The following ADGB variants were observed in gnomAD, a reference collection of about 807,000 sequenced individuals.
ADGB encodes androglobin, also known as calpain-7-like protein.
Under a neutral mutation model 210.5 loss-of-function variants are expected in ADGB, and 172 were observed. That is an observed-to-expected ratio of 0.82 (90% confidence interval 0.72 to 0.93). The LOEUF is 0.93. ADGB is among the 40% of genes least tolerant of loss of function. The pLI is 0.00. For missense variants in ADGB, 2,025 were observed against 1,964.8 expected (o/e 1.03, Z -0.58); for synonymous variants, 658 against 662.7 (o/e 0.99, Z 0.11).
intron 27 of ADGB, among the ~76,000 whole-genome samples, chr6:146,762,396 C>T (rs1401719507): frequency 6.6e-6 from 1 of 152,100 alleles, no homozygotes; most frequent in Non-Finnish European, 1.5e-5. Flanking sequence ...TTCTGTGATA[C>T]TCACCATTTG....
chr6:146,715,462 A>G (rs1776718744), intron 14 of ADGB, 47 bp downstream of exon 14: 1 of 1,321,244 alleles, frequency 7.6e-7, no homozygotes, highest in Non-Finnish European at 1.0e-6. Flanking sequence ...ACATCAAGAT[A>G]CAGAGGGGCA....
chr6:146,746,564 A>G (rs1273882642), intron 26 of ADGB, among the ~76,000 whole-genome samples: 2 of 152,076 alleles, frequency 1.3e-5, no homozygotes, highest in African/African-American at 4.8e-5. Flanking sequence ...CATTATCTTC[A>G]GTCTATACAA....
chr6:146,736,483 T>A lies in ADGB; in HGVS notation c.2795-15T>A. On this transcript the variant is annotated splice_polypyrimidine_tract_variant and intron_variant, in intron 22 of 35. Transcript: ENST00000397944. ...CTTAAAGCTTAACGTTTTTATTATT[T>A]ATTATTATTTTTAGACACAAAAGAA... is the stretch of plus-strand genomic sequence containing the variant. 6.8e-7 allele frequency: 1 copy of A among 1,460,992 alleles called. No individual in the cohort carries two copies. Among genetic ancestry groups the A allele is most frequent in the South Asian group, 1.3e-5 (1 of 76,048 alleles). 90.5% of individuals were successfully genotyped at this position (1,460,992 alleles called of 1,614,324 possible). A position where few individuals can be genotyped will look rare whatever the true frequency, so the allele number is the denominator to read the frequency against.
At chr6:146,799,553 AGG>A (rs1225886939) in intron 33 of ADGB, among the ~76,000 whole-genome samples, 1 of 125,356 alleles carries the variant, frequency 8.0e-6, no homozygotes, top group Non-Finnish European at 1.7e-5. Flanking sequence ...AAAAAAAAAA[AGG>A]AAGGAAGGAA....
intron 9 of ADGB, among the ~76,000 whole-genome samples, chr6:146,681,300 C>T (rs1322842991): frequency 1.3e-5 from 2 of 152,098 alleles, no homozygotes; most frequent in African/African-American, 2.4e-5. Context: ...CTCCCATTCT[C>T]ACCATGTGAG....
chr6:146,693,015 A>C (rs1447514540), intron 12 of ADGB, 100 bp downstream of exon 12: 3 of 662,654 alleles, frequency 4.5e-6, no homozygotes, highest in Non-Finnish European at 7.4e-6. Context: ...TTTGAAGAAT[A>C]GTAATTTTAA....
chr6:146,741,464 A>G (rs1216563454), intron 25 of ADGB, among the ~76,000 whole-genome samples, 193 bp downstream of exon 25: 1 of 152,178 alleles, frequency 6.6e-6, no homozygotes, highest in East Asian at 1.9e-4. Flanking sequence ...AGCATTCTTT[A>G]CCTCTCAACG....
intron 18 of ADGB, 133 bp from the exon 19 acceptor site, chr6:146,725,950 A>G: frequency 3.6e-6 from 2 of 557,454 alleles, no homozygotes; most frequent in South Asian, 5.4e-5. Flanking sequence ...TCCTTATCTC[A>G]TCTGTGTTAA....
At chr6:146,761,709 C>G (rs1248799349) in intron 27 of ADGB, among the ~76,000 whole-genome samples, 4 of 152,054 alleles carry the variant, frequency 2.6e-5, no homozygotes, top group Non-Finnish European at 5.9e-5. Flanking sequence ...AATACATACT[C>G]TATGCAATTT....
chr6:146,648,503 T>C (rs6900779), intron 3 of ADGB, among the ~76,000 whole-genome samples: 8,687 of 151,892 alleles, frequency 0.057, 826 homozygotes, highest in African/African-American at 0.2. Flanking sequence ...TGGCAGAAGG[T>C]AAAGGGGAAG....
chr6:146,646,312 T>C (rs993315510), intron 3 of ADGB, among the ~76,000 whole-genome samples: 11 of 152,116 alleles, frequency 7.2e-5, no homozygotes, highest in Non-Finnish European at 1.5e-4. Context: ...CATCATGTTC[T>C]TTGGTGGCAC....
At chr6:146,669,080 G>A (rs1430169730) in intron 7 of ADGB, among the ~76,000 whole-genome samples, 4 of 152,014 alleles carry the variant, frequency 2.6e-5, no homozygotes, top group African/African-American at 9.7e-5. Context: ...GATTCAGAAA[G>A]GTCTGTTCCT....
chr6:146,651,296 T>C (rs1484085999), intron 3 of ADGB, among the ~76,000 whole-genome samples: 1 of 152,178 alleles, frequency 6.6e-6, no homozygotes, highest in Non-Finnish European at 1.5e-5. Context: ...AAACTAGGCG[T>C]ACAGGCTGAG....
chr6:146,697,041 G>T (rs1229047398), intron 12 of ADGB, among the ~76,000 whole-genome samples: 1 of 151,996 alleles, frequency 6.6e-6, no homozygotes, highest in Non-Finnish European at 1.5e-5. Flanking sequence ...TGGAAAACTG[G>T]GTGTGTCACT....
intron 27 of ADGB, among the ~76,000 whole-genome samples, chr6:146,755,712 T>C (rs759676553): frequency 1.3e-4 from 20 of 152,056 alleles, no homozygotes; most frequent in Non-Finnish European, 2.5e-4. Flanking sequence ...GGGAATGCAG[T>C]CCATTTGCAT....
At chr6:146,643,423 A>G (rs184540798) in intron 2 of ADGB, among the ~76,000 whole-genome samples, 2 of 151,982 alleles carry the variant, frequency 1.3e-5, no homozygotes, top group African/African-American at 4.8e-5. Context: ...TTTCCTGTAT[A>G]GATAGTTTAT....
At chr6:146,652,451 G>T (rs572654329) in intron 3 of ADGB, among the ~76,000 whole-genome samples, 4 of 152,168 alleles carry the variant, frequency 2.6e-5, no homozygotes, top group Admixed American at 2.6e-4. Flanking sequence ...GATGCTGCTT[G>T]TATAGATGAG....
chr6:146,685,212 C>A (rs1583589152), intron 9 of ADGB, among the ~76,000 whole-genome samples: 1 of 151,944 alleles, frequency 6.6e-6, no homozygotes, highest in South Asian at 2.1e-4. Context: ...CGCTTAAAAG[C>A]AAATTCTACC....
intron 29 of ADGB, among the ~76,000 whole-genome samples, chr6:146,779,127 G>A (rs1229323367): frequency 2.7e-5 from 4 of 150,894 alleles, no homozygotes; most frequent in Non-Finnish European, 5.9e-5. Context: ...GAAGTAAAAT[G>A]GAGTTGGATT....
Sources: allele counts gnomAD v4.1 joint callset (sites outside exome capture counted in the v4.1 genomes callset), GRCh38; gene constraint gnomAD v4.1.1; transcripts MANE v1.5; gene names NCBI Gene and HGNC (gene_info 2026-07-23, HGNC 2026-07-21).